The following NUP210L variants were observed in gnomAD, a reference collection of about 807,000 sequenced individuals.
NUP210L encodes the protein nucleoporin 210 like, also known as nuclear pore membrane glycoprotein 210-like.
NUP210L carries 74 observed loss-of-function variants against 208.5 expected under a neutral mutation model. That is an observed-to-expected ratio of 0.35 (90% confidence interval 0.29 to 0.43). The LOEUF (loss-of-function observed/expected upper bound fraction) is 0.43. NUP210L is among the 20% of genes least tolerant of loss of function. NUP210L has a pLI of 1.00. For missense variants in NUP210L, 1,843 were observed against 2,289.4 expected, an observed-to-expected ratio of 0.81 and a Z score of 3.98; for synonymous variants, 780 against 816.9, an observed-to-expected ratio of 0.95 and a Z score of 0.77.
At chr1:154,028,655 A>C (rs1455177793) in intron 28 of NUP210L, among the ~76,000 whole-genome samples, 1 of 152,206 alleles carries the variant, frequency 6.6e-6, no homozygotes, top group African/African-American at 2.4e-5. Context: ...GGAGTGGATC[A>C]GAAATGAATC....
chr1:154,098,419 T>C lies in NUP210L; in HGVS notation c.1965+1579A>G, dbSNP rs192022215. The stretch of plus-strand genomic sequence containing the variant: ...CCATTGGGAAGGTCCCAAGTTCTTG[T>C]CCTGCATCCAGGAAGAATAAGATAT... On this transcript the variant is annotated intron_variant, in intron 14 of 39. Coordinates refer to ENST00000368559, the Ensembl canonical transcript of NUP210L. 1.8e-3 allele frequency among the ~76,000 whole-genome samples: 272 copies of C among 152,318 alleles called. 1 individual carries two copies. The highest frequency in any genetic ancestry group is 6.3e-3 in the African/African-American group (262 of 41,580).
chr1:154,000,430 T>G (rs1464271314), intron 37 of NUP210L, among the ~76,000 whole-genome samples: 2 of 152,214 alleles, frequency 1.3e-5, no homozygotes, highest in Non-Finnish European at 2.9e-5. Context: ...AGGAAGCACT[T>G]TCCAGCTTCT....
In NUP210L at chr1:154,135,515, G is replaced by A. The variant is rs566718554; in HGVS notation, c.1009+299C>T. ...TGGCTCACTGCAACCTCTGCCTCCCGGGTTCACACCATTCTCCTGCCTCAG... is the reference window on the plus strand; with the variant it reads ...TGGCTCACTGCAACCTCTGCCTCCCAGGTTCACACCATTCTCCTGCCTCAG... On this transcript the variant is annotated intron_variant, in intron 7 of 39. Transcript: ENST00000368559. Among the ~76,000 whole-genome samples the A allele has an allele frequency of 6.6e-5, 10 of 151,484 alleles. No individual in the cohort carries two copies. The East Asian group carries it at 7.8e-4, about 12-fold the overall frequency.
chr1:154,093,035 A>G (rs1398230176), intron 15 of NUP210L, among the ~76,000 whole-genome samples: 1 of 152,102 alleles, frequency 6.6e-6, no homozygotes, highest in Non-Finnish European at 1.5e-5. Context: ...TTAGAGTTTC[A>G]GTTGTATAAG....
intron 17 of NUP210L, among the ~76,000 whole-genome samples, chr1:154,067,633 TAGGAAAAGAGGA>T (rs1444328256): frequency 2.6e-5 from 4 of 152,094 alleles, no homozygotes; most frequent in African/African-American, 9.7e-5. Context: ...GATATTCAAT[TAGGAAAAGAGGA>T]AGTCAAATTG....
chr1:154,045,863 T>A (rs1418257304), intron 27 of NUP210L, among the ~76,000 whole-genome samples: 1 of 152,094 alleles, frequency 6.6e-6, no homozygotes, highest in Non-Finnish European at 1.5e-5. Context: ...CATGTGCCTG[T>A]GGTCCCAGCT....
chr1:154,062,289 G>A (rs138480795), intron 17 of NUP210L, among the ~76,000 whole-genome samples: 2 of 152,232 alleles, frequency 1.3e-5, no homozygotes, highest in East Asian at 3.9e-4. Context: ...GCTGACAAGT[G>A]TAATTTTTTG....
At chr1:154,056,423 T>G (rs1050369179) in intron 23 of NUP210L, among the ~76,000 whole-genome samples, 10 of 151,812 alleles carry the variant, frequency 6.6e-5, no homozygotes, top group Non-Finnish European at 1.5e-4. Context: ...GTCAAATGAT[T>G]TTTTTTCTTG....
At position 154,135,910 on chromosome 1, in the gene NUP210L, C is replaced by T. The variant is rs370316384; in HGVS notation, c.913G>A (p.Gly305Arg). ...ATAGCCACTTTCTCAGAATGAGACC[C>T]GTTAAGTGCAACTCTATGGTCTTGC... is the stretch of plus-strand genomic sequence containing the variant. Residue 305 changes from glycine (G) to arginine (R), a missense_variant, in exon 7 of 40, where the codon GGG (glycine) becomes AGG (arginine). Physicochemically the swap from Gly to Arg is moderately radical, Grantham distance 125 (BLOSUM62 -2). Around this residue, in one of 5 missense-constraint regions of NUP210L, gnomAD observed 542 missense variants for 606.4 expected, o/e 0.89. Transcript: ENST00000368559. 1.3e-4 allele frequency: 212 copies of T among 1,604,692 alleles called. No individual in the cohort carries two copies. Among genetic ancestry groups the T allele is most frequent in the Non-Finnish European group, 1.7e-4 (202 of 1,171,556 alleles).
intron 23 of NUP210L, among the ~76,000 whole-genome samples, chr1:154,055,510 C>T (rs577094253): frequency 1.3e-5 from 2 of 152,248 alleles, no homozygotes; most frequent in East Asian, 1.9e-4. Flanking sequence ...CTCAGCCTCC[C>T]AAAGTGCTGG....
At chr1:154,111,496 C>T (rs1400170326) in intron 12 of NUP210L, among the ~76,000 whole-genome samples, 3 of 151,420 alleles carry the variant, frequency 2.0e-5, no homozygotes, top group Non-Finnish European at 4.4e-5. Flanking sequence ...TCATTAGGGG[C>T]TACTATGAGC....
intron 30 of NUP210L, among the ~76,000 whole-genome samples, chr1:154,023,809 G>A (rs1191055525): frequency 2.0e-5 from 3 of 149,300 alleles, no homozygotes; most frequent in African/African-American, 7.4e-5. Context: ...TTTTTTTTGA[G>A]ACGGAATTTT....
intron 28 of NUP210L, among the ~76,000 whole-genome samples, chr1:154,028,456 G>A (rs1293933021): frequency 1.3e-5 from 2 of 151,824 alleles, no homozygotes; most frequent in African/African-American, 4.8e-5. Context: ...GCATGGTGGC[G>A]CATGCCTGTA....
intron 31 of NUP210L, 90 bp downstream of exon 31, chr1:154,023,032 G>T (rs1347808421): frequency 4.6e-6 from 6 of 1,298,278 alleles, no homozygotes; most frequent in Non-Finnish European, 6.4e-6. Flanking sequence ...TTCAGAATGT[G>T]AGAGGAATTT....
chr1:154,060,854 T>G (rs1654097364), intron 19 of NUP210L, 88 bp downstream of exon 19: 1 of 752,770 alleles, frequency 1.3e-6, no homozygotes, highest in East Asian at 2.5e-5. Context: ...TTTCAACACA[T>G]AAGTAAGTTT....
intron 29 of NUP210L, 22 bp from the exon 30 acceptor site, chr1:154,025,738 T>C (rs1651842035): frequency 6.2e-7 from 1 of 1,604,912 alleles, no homozygotes; most frequent in Admixed American, 1.7e-5. Context: ...GGAAAGGAAG[T>C]GGCATCTTTT....
intron 17 of NUP210L, among the ~76,000 whole-genome samples, chr1:154,070,001 T>C (rs942070153): frequency 6.6e-6 from 1 of 151,972 alleles, no homozygotes; most frequent in Non-Finnish European, 1.5e-5. Context: ...AATTGAACAA[T>C]GAGAACACTT....
At chr1:154,104,271 A>G in intron 12 of NUP210L, 61 bp from the exon 13 acceptor site, 1 of 1,422,982 alleles carries the variant, frequency 7.0e-7, no homozygotes, top group Non-Finnish European at 9.9e-7. Flanking sequence ...TAGGAGGAGG[A>G]GAAGCAAGAT....
intron 15 of NUP210L, among the ~76,000 whole-genome samples, chr1:154,093,803 A>G (rs1305193012): frequency 6.6e-6 from 1 of 152,216 alleles, no homozygotes; most frequent in Non-Finnish European, 1.5e-5. Context: ...TTTTGATAGA[A>G]GTACAGCACA....
Sources: allele counts gnomAD v4.1 joint callset (sites outside exome capture counted in the v4.1 genomes callset), GRCh38; gene constraint gnomAD v4.1.1; regional missense constraint gnomAD v4.1.1; transcripts MANE v1.5; gene names NCBI Gene and HGNC (gene_info 2026-07-23, HGNC 2026-07-21).